Variants in ME2 observed in about 807,000 individuals in gnomAD.
ME2 encodes the protein NAD-dependent malic enzyme, mitochondrial.
A neutral mutation model predicts 73.7 loss-of-function variants in ME2; 60 were observed. The observed-to-expected ratio is 0.81, with a 90% CI of 0.66 to 1.01. The LOEUF (loss-of-function observed/expected upper bound fraction) is 1.01. Ranked by LOEUF, ME2 falls within the 50% of genes least tolerant of loss-of-function variation. The pLI, the probability that ME2 is intolerant of heterozygous loss-of-function variation, is 0.00. For synonymous variants in ME2, 199 were observed against 236.9 expected, an observed-to-expected ratio of 0.84 and a Z score of 1.47; for missense variants, 594 against 705.5, an observed-to-expected ratio of 0.84 and a Z score of 1.79.
chr18:50,927,657 G>C (rs1040826261), intron 12 of ME2, among the ~76,000 whole-genome samples: 2 of 143,710 alleles, frequency 1.4e-5, no homozygotes, highest in African/African-American at 5.2e-5. Flanking sequence ...AGCCGAGATC[G>C]CACCACTGCA....
At chr18:50,887,560 C>T (rs945464230) in intron 1 of ME2, among the ~76,000 whole-genome samples, 2 of 152,162 alleles carry the variant, frequency 1.3e-5, no homozygotes, top group Non-Finnish European at 2.9e-5. Context: ...GAGGTTGAGA[C>T]GAGAATTAAA....
At chr18:50,899,479 C>T (rs1042927028) in intron 2 of ME2, among the ~76,000 whole-genome samples, 3 of 152,176 alleles carry the variant, frequency 2.0e-5, no homozygotes, top group Middle Eastern at 6.8e-3. Flanking sequence ...TAGCCAAGCA[C>T]TGTGGTGCAT....
At chr18:50,912,665 T>A in intron 3 of ME2, 136 bp from the exon 4 acceptor site, 1 of 671,782 alleles carries the variant, frequency 1.5e-6, no homozygotes, top group East Asian at 2.9e-5. Flanking sequence ...AATCTAAGGT[T>A]TTGGGTTTTT....
chr18:50,893,510 TC>T (rs1916659321), intron 1 of ME2, among the ~76,000 whole-genome samples: 1 of 152,220 alleles, frequency 6.6e-6, no homozygotes, highest in Non-Finnish European at 1.5e-5. Context: ...GTTTGATGCC[TC>T]CCCAGTAGTT....
chr18:50,893,221 A>G (rs993216722), intron 1 of ME2, among the ~76,000 whole-genome samples: 2 of 151,946 alleles, frequency 1.3e-5, no homozygotes, highest in African/African-American at 2.4e-5. Context: ...ATAGTAATAA[A>G]GAGTGTATAT....
rs1339718146 is a variant in ME2 at position 50,933,714 on chromosome 18, G to T, written c.1417+1354G>T. ...GTACATATGAAGGTTTGTTATATAGGTAAATTGTGTGTTGCAGGGGGTTTC... is the reference window on the plus strand; with the variant it reads ...GTACATATGAAGGTTTGTTATATAGTTAAATTGTGTGTTGCAGGGGGTTTC... On this transcript the variant is annotated intron_variant, in intron 13 of 15. Coordinates refer to ENST00000321341, the MANE Select transcript of ME2 (RefSeq NM_002396.5). 6 of 151,978 alleles carry T rather than the reference G, an allele frequency of 3.9e-5. No individual in the cohort carries two copies. In the East Asian group the frequency reaches 1.2e-3, roughly 29 times the overall value. 9.4% of individuals were successfully genotyped at this position (151,978 alleles called of 1,614,324 possible).
intron 6 of ME2, 51 bp downstream of exon 6, chr18:50,917,559 G>A (rs1382574704): frequency 7.5e-7 from 1 of 1,327,236 alleles, no homozygotes; most frequent in Non-Finnish European, 1.0e-6. Flanking sequence ...TTTTTAAAAT[G>A]TGTACAATAT....
rs757175835 is a variant in ME2 at position 50,951,866 on chromosome 18, C to CAAA, written c.*4717_*4719dup. The CAAA allele has an allele frequency of 1.5e-4, 11 of 71,338 alleles. 1 individual carries two copies. Among genetic ancestry groups the CAAA allele is most frequent in the African/African-American group, 5.2e-4 (8 of 15,504 alleles). The allele number at this position is 71,338 out of a possible 1,614,324, so 4.4% of individuals were successfully genotyped here. On this transcript the variant is annotated 3_prime_UTR_variant, in exon 16 of 16. Coordinates refer to ENST00000321341, the MANE Select transcript of ME2 (RefSeq NM_002396.5). ...TGGGCGACAGAGTGAGCCTCCATCT[C>CAAA]AAAAAAAAAAAAAAAAAAAAAAAAA...
chr18:50,910,969 A>G (rs1917143001), intron 3 of ME2, among the ~76,000 whole-genome samples: 1 of 152,242 alleles, frequency 6.6e-6, no homozygotes, highest in African/African-American at 2.4e-5. Context: ...TGAGGGCATC[A>G]TATGGCTACC....
chr18:50,938,616 T>G (rs1274893979), intron 13 of ME2, among the ~76,000 whole-genome samples: 3 of 152,152 alleles, frequency 2.0e-5, no homozygotes, highest in Non-Finnish European at 4.4e-5. Flanking sequence ...CTTGGGAGAA[T>G]GTACCCTACC....
intron 13 of ME2, chr18:50,933,601 C>T (rs1917748832): frequency 6.6e-6 from 1 of 152,006 alleles, no homozygotes; most frequent in African/African-American, 2.4e-5. Flanking sequence ...TTTCTATGGC[C>T]TAAAAGACAT....
intron 3 of ME2, among the ~76,000 whole-genome samples, chr18:50,909,629 A>G (rs1917099453): frequency 6.6e-6 from 1 of 152,172 alleles, no homozygotes; most frequent in South Asian, 2.1e-4. Flanking sequence ...GATGTGATAG[A>G]GCAAAAGAGA....
chr18:50,903,043 A>G (rs1916929359), intron 2 of ME2, among the ~76,000 whole-genome samples: 1 of 152,198 alleles, frequency 6.6e-6, no homozygotes, highest in African/African-American at 2.4e-5. Flanking sequence ...TTTCAGGATC[A>G]GCTGGAGGAA....
chr18:50,939,140 G>GAAAAAAAAAAAAAAAAGA (rs56350434), intron 13 of ME2: 1 of 118,532 alleles, frequency 8.4e-6, no homozygotes, highest in Non-Finnish European at 1.7e-5. Flanking sequence ...AAAAAAAAAA[G>GAAAAAAAAAAAAAAAAGA]AAAAAAAAAA....
In ME2 at chr18:50,951,079, A is replaced by G. The variant is rs947917113; in HGVS notation, c.*3895A>G. ...AAAAACTAGAGTACTCTTTAATTCT[A>G]AATTATAGATTTGTAGCATACTTAG... On this transcript the variant is annotated 3_prime_UTR_variant, in exon 16 of 16. Transcript: ENST00000321341. 7 of 152,232 alleles carry G rather than the reference A, an allele frequency of 4.6e-5. No homozygotes were observed. Among genetic ancestry groups the G allele is most frequent in the Non-Finnish European group, 7.3e-5 (5 of 68,042 alleles). 9.4% of individuals were successfully genotyped at this position (152,232 alleles called of 1,614,324 possible).
intron 15 of ME2, among the ~76,000 whole-genome samples, chr18:50,941,274 AAAAAAAG>A (rs1599127319): frequency 3.3e-5 from 5 of 150,404 alleles, no homozygotes; most frequent in African/African-American, 7.3e-5. Flanking sequence ...AAAAAAAAAA[AAAAAAAG>A]AAAGAAAGAA....
At chr18:50,909,933 C>T (rs1917107274) in intron 3 of ME2, among the ~76,000 whole-genome samples, 1 of 152,092 alleles carries the variant, frequency 6.6e-6, no homozygotes, top group Non-Finnish European at 1.5e-5. Context: ...TTCTCCGAAG[C>T]TGGAATAAAC....
chr18:50,904,475 G>A (rs559549384), intron 2 of ME2, among the ~76,000 whole-genome samples: 1 of 151,770 alleles, frequency 6.6e-6, no homozygotes, highest in Non-Finnish European at 1.5e-5. Context: ...GTAGAGATGG[G>A]GTTTCACCAT....
intron 3 of ME2, among the ~76,000 whole-genome samples, chr18:50,909,689 C>G (rs1307276198): frequency 6.6e-6 from 1 of 151,948 alleles, no homozygotes; most frequent in Non-Finnish European, 1.5e-5. Flanking sequence ...TGTAAACTAC[C>G]CTTACAAGAA....
Sources: gnomAD v4.1 joint callset for allele counts (sites outside exome capture counted in the v4.1 genomes callset) on GRCh38, gnomAD v4.1.1 for gene constraint, MANE v1.5 for transcripts, NCBI Gene and HGNC (gene_info 2026-07-23, HGNC 2026-07-21) for gene names.